ERBB4: variants seen among roughly 807,000 people sequenced by gnomAD.
The protein encoded by ERBB4 is erb-b2 receptor tyrosine kinase 4, also known as receptor tyrosine-protein kinase erbB-4.
A neutral mutation model predicts 158.0 loss-of-function variants in ERBB4; 42 were observed. The ratio of observed to expected loss-of-function variants is 0.27; its 90% CI spans 0.21 to 0.34. The LOEUF (loss-of-function observed/expected upper bound fraction) is 0.34, where lower values mean the gene tolerates loss of function less well. ERBB4 is among the 10% of genes least tolerant of loss of function. The probability of loss-of-function intolerance (pLI) is 1.00; values close to 1 mark genes in which losing one functional copy is unlikely to be tolerated. For missense variants in ERBB4, 1,333 were observed against 1,624.1 expected, an observed-to-expected ratio of 0.82 and a Z score of 3.08; for synonymous variants, 583 against 558.7, an observed-to-expected ratio of 1.04 and a Z score of -0.61.
chr2:212,342,286 A>G (rs1040971933), intron 1 of ERBB4, among the ~76,000 whole-genome samples: 6 of 152,034 alleles, frequency 3.9e-5, no homozygotes, highest in African/African-American at 1.2e-4. Flanking sequence ...CATAATCCCC[A>G]CGTGTCATGG....
At chr2:211,773,620 ATATATATATATAT>A (rs1306305231) in intron 4 of ERBB4, among the ~76,000 whole-genome samples, 2 of 60,586 alleles carry the variant, frequency 3.3e-5, no homozygotes, top group Admixed American at 1.4e-4. Flanking sequence ...ATATATATAT[ATATATATATATAT>A]ATATATATAT....
intron 1 of ERBB4, among the ~76,000 whole-genome samples, chr2:212,228,900 T>G (rs2105976323): frequency 6.6e-6 from 1 of 152,308 alleles, no homozygotes; most frequent in East Asian, 1.9e-4. Flanking sequence ...TTGGATCAGC[T>G]AGGCTAAAAA....
chr2:212,251,347 T>C (rs2084525633), intron 1 of ERBB4, among the ~76,000 whole-genome samples: 1 of 152,048 alleles, frequency 6.6e-6, no homozygotes, highest in Non-Finnish European at 1.5e-5. Flanking sequence ...ATATTTAATA[T>C]GCAGCAGGCA....
intron 3 of ERBB4, among the ~76,000 whole-genome samples, chr2:211,822,329 A>G (rs181470605): frequency 3.8e-3 from 574 of 152,110 alleles, no homozygotes; most frequent in African/African-American, 0.013. Flanking sequence ...TGTTTGAGAT[A>G]ATGGATATGC....
intron 9 of ERBB4, among the ~76,000 whole-genome samples, chr2:211,709,265 A>ATGTG: frequency 2.1e-5 from 3 of 143,980 alleles, no homozygotes; most frequent in African/African-American, 8.0e-5. Flanking sequence ...ATATATATAT[A>ATGTG]TATATATATA....
rs571943121 is a variant in ERBB4, at chr2:212,341,565, T to C, written c.82+196884A>G. On this transcript the variant is annotated intron_variant, in intron 1 of 27. Transcript: ENST00000342788. ...ATAATAGTTGTTGATTGTTCAATAA[T>C]ATGAGGGATAGACGAGAGCTCCATC... Among the ~76,000 whole-genome samples the C allele has an allele frequency of 5.8e-4, 88 of 152,096 alleles. No homozygotes were observed. The South Asian group carries it at 7.7e-3, about 13-fold the overall frequency.
chr2:211,422,730 C>T (rs1484492341), intron 23 of ERBB4, among the ~76,000 whole-genome samples: 1 of 151,788 alleles, frequency 6.6e-6, no homozygotes, highest in Non-Finnish European at 1.5e-5. Flanking sequence ...CCAAATTATC[C>T]TCTTCTTAGG....
chr2:212,376,543 C>G (rs959374394), intron 1 of ERBB4, among the ~76,000 whole-genome samples: 1 of 152,084 alleles, frequency 6.6e-6, no homozygotes, highest in African/African-American at 2.4e-5. Flanking sequence ...TCATTCCTCT[C>G]ACCAAACAAA....
At chr2:212,362,529 G>A (rs1001203657) in intron 1 of ERBB4, among the ~76,000 whole-genome samples, 1 of 150,228 alleles carries the variant, frequency 6.7e-6, no homozygotes, top group African/African-American at 2.4e-5. Flanking sequence ...AGTGTGACTT[G>A]TTTTCTTCCT....
chr2:212,002,365 C>T (rs896471050), intron 2 of ERBB4, among the ~76,000 whole-genome samples: 1 of 152,066 alleles, frequency 6.6e-6, no homozygotes, highest in African/African-American at 2.4e-5. Flanking sequence ...GAAGTTAGTA[C>T]AAGAAATTTC....
At chr2:212,372,107 C>T (rs764867883) in intron 1 of ERBB4, among the ~76,000 whole-genome samples, 4 of 152,058 alleles carry the variant, frequency 2.6e-5, no homozygotes, top group Non-Finnish European at 4.4e-5. Flanking sequence ...CAAGTTTGAA[C>T]TAAGTCCTCC....
intron 1 of ERBB4, among the ~76,000 whole-genome samples, chr2:212,347,933 T>G (rs2089083985): frequency 6.6e-6 from 1 of 152,090 alleles, no homozygotes; most frequent in South Asian, 2.1e-4. Context: ...TAAAGGCACC[T>G]CCAGTCCATA....
intron 1 of ERBB4, among the ~76,000 whole-genome samples, chr2:212,399,165 A>T (rs1487541006): frequency 7.9e-5 from 12 of 151,704 alleles, no homozygotes; most frequent in African/African-American, 2.9e-4. Context: ...CTGATCTCAA[A>T]CTTCTGACCT....
At chr2:212,497,121 T>G (rs1690621478) in intron 1 of ERBB4, among the ~76,000 whole-genome samples, 1 of 142,408 alleles carries the variant, frequency 7.0e-6, no homozygotes, top group Non-Finnish European at 1.5e-5. Context: ...GAGGTTGCAG[T>G]GAGCCGAGAT....
chr2:211,779,813 C>A (rs2075989755), intron 4 of ERBB4: 1 of 152,074 alleles, frequency 6.6e-6, no homozygotes, highest in African/African-American at 2.4e-5. Context: ...GGTTTCAAGC[C>A]CATCCCATAA....
In ERBB4 at chr2:211,704,206, G is replaced by A. The variant is rs2106046485; in HGVS notation, c.1199-12C>T. Reference sequence around the variant, plus strand: ...TATGTTCAGGAAACCTACAAGTGAAGAGTAGAAAAAATAAATCAGAATATC... The same window carrying A: ...TATGTTCAGGAAACCTACAAGTGAAAAGTAGAAAAAATAAATCAGAATATC... On this transcript the variant is annotated splice_polypyrimidine_tract_variant and intron_variant, in intron 10 of 27. Coordinates refer to ENST00000342788, the MANE Select transcript of ERBB4 (RefSeq NM_005235.3). The A allele has an allele frequency of 1.3e-6, 2 of 1,533,468 alleles. No individual in the cohort carries two copies. Among genetic ancestry groups the A allele is most frequent in the South Asian group, 1.1e-5 (1 of 89,378 alleles). The allele number at this position is 1,533,468 out of a possible 1,614,324, so 95.0% of individuals were successfully genotyped here.
At chr2:212,037,987 C>T (rs982385540) in intron 2 of ERBB4, among the ~76,000 whole-genome samples, 1 of 152,004 alleles carries the variant, frequency 6.6e-6, no homozygotes, top group African/African-American at 2.4e-5. Flanking sequence ...GTATTTATTT[C>T]ACAAAAAGTA....
chr2:211,894,923 TA>T (rs2079061614), intron 3 of ERBB4, among the ~76,000 whole-genome samples: 2 of 152,220 alleles, frequency 1.3e-5, no homozygotes, highest in Admixed American at 6.5e-5. Context: ...TGATTTATGT[TA>T]AAATTAGTCA....
chr2:212,078,354 T>A (rs981510980), intron 2 of ERBB4, among the ~76,000 whole-genome samples: 1 of 152,000 alleles, frequency 6.6e-6, no homozygotes, highest in Admixed American at 6.6e-5. Context: ...CCCGATCAGA[T>A]TTTGTTGTTG....
Sources: gnomAD v4.1 joint callset for allele counts (sites outside exome capture counted in the v4.1 genomes callset) on GRCh38, gnomAD v4.1.1 for gene constraint, MANE v1.5 for transcripts, NCBI Gene and HGNC (gene_info 2026-07-23, HGNC 2026-07-21) for gene names.